The following PTK2 variants were observed in gnomAD, a reference collection of about 807,000 sequenced individuals.
The protein encoded by PTK2 is focal adhesion kinase 1.
A neutral mutation model predicts 150.1 loss-of-function variants in PTK2; 45 were observed. The observed-to-expected ratio is 0.30, with a 90% CI of 0.24 to 0.38. The LOEUF is 0.38. Among genes scored for constraint, PTK2 ranks in the 10% least tolerant of loss-of-function variants. The probability of loss-of-function intolerance (pLI) is 1.00; values close to 1 mark genes in which losing one functional copy is unlikely to be tolerated. For synonymous variants in PTK2, 432 were observed against 449.2 expected (o/e 0.96, Z 0.48); for missense variants, 919 against 1,307.3 (o/e 0.70, Z 4.58).
intron 24 of PTK2, among the ~76,000 whole-genome samples, chr8:140,705,353 G>C (rs1482590046): frequency 6.6e-6 from 1 of 152,020 alleles, no homozygotes; most frequent in Non-Finnish European, 1.5e-5. Flanking sequence ...CAGACATTAC[G>C]AGTAAAAAAA....
chr8:140,756,642 G>T (rs1371246786), intron 16 of PTK2, among the ~76,000 whole-genome samples: 4 of 142,562 alleles, frequency 2.8e-5, no homozygotes, highest in South Asian at 2.3e-4. Context: ...GGTGAACTGA[G>T]ATTGCACCAT....
chr8:140,936,375 C>T (rs13279233), intron 1 of PTK2, among the ~76,000 whole-genome samples: 63,400 of 151,830 alleles, frequency 0.42, 15,162 homozygotes, highest in Non-Finnish European at 0.55. Context: ...TGAGCGCTCA[C>T]GAAGTCTACA....
intron 14 of PTK2, among the ~76,000 whole-genome samples, chr8:140,785,349 G>A (rs1378521183): frequency 2.0e-5 from 3 of 152,206 alleles, no homozygotes; most frequent in Non-Finnish European, 4.4e-5. Context: ...ACAATAAAGA[G>A]ATAAACAGAA....
intron 1 of PTK2, among the ~76,000 whole-genome samples, chr8:140,963,591 A>G (rs1007774564): frequency 3.4e-4 from 52 of 152,190 alleles, no homozygotes; most frequent in African/African-American, 1.2e-3. Context: ...CTTCAATTCA[A>G]CTTCTTCACC....
intron 26 of PTK2, among the ~76,000 whole-genome samples, chr8:140,690,174 G>A (rs929848462): frequency 2.0e-5 from 3 of 151,874 alleles, no homozygotes; most frequent in East Asian, 3.9e-4. Context: ...GGATGGTCTC[G>A]ATCACCTGAC....
chr8:140,720,802 G>T (rs1419167678), intron 22 of PTK2, among the ~76,000 whole-genome samples: 1 of 152,148 alleles, frequency 6.6e-6, no homozygotes, highest in Non-Finnish European at 1.5e-5. Context: ...TGCATAGGCT[G>T]AAGTGCAGTG....
At chr8:140,679,036 T>G (rs2100015606) in intron 27 of PTK2, among the ~76,000 whole-genome samples, 1 of 82,160 alleles carries the variant, frequency 1.2e-5, no homozygotes, top group African/African-American at 4.0e-5. Context: ...TTTTTTTTTT[T>G]TTTTTTGAGA....
At chr8:140,994,534 G>A (rs979308109) in intron 1 of PTK2, among the ~76,000 whole-genome samples, 15 of 151,822 alleles carry the variant, frequency 9.9e-5, no homozygotes, top group Non-Finnish European at 1.6e-4. Context: ...ATTTTTAGAG[G>A]CAGGGTCTCA....
chr8:140,849,151 C>T (rs2100127532), intron 5 of PTK2, among the ~76,000 whole-genome samples: 1 of 152,142 alleles, frequency 6.6e-6, no homozygotes, highest in Non-Finnish European at 1.5e-5. Flanking sequence ...CATGATCACA[C>T]ACTGAAATCT....
At chr8:140,756,916 G>A (rs1318527918) in intron 16 of PTK2, among the ~76,000 whole-genome samples, 1 of 151,696 alleles carries the variant, frequency 6.6e-6, no homozygotes, top group East Asian at 1.9e-4. Context: ...GTGAACCCGG[G>A]AGGCGGAGCT....
At chr8:140,896,794 G>GA (rs1555343130) in intron 2 of PTK2, among the ~76,000 whole-genome samples, 1 of 125,668 alleles carries the variant, frequency 8.0e-6, no homozygotes, top group African/African-American at 2.5e-5. Flanking sequence ...AAAACGGGGG[G>GA]GGGGGGTGGG....
At chr8:140,751,538 C>T (rs908830350) in intron 17 of PTK2, among the ~76,000 whole-genome samples, 1 of 151,692 alleles carries the variant, frequency 6.6e-6, no homozygotes, top group Non-Finnish European at 1.5e-5. Context: ...ATTGCCCAGG[C>T]TGAAGTGCAG....
intron 22 of PTK2, among the ~76,000 whole-genome samples, chr8:140,733,833 A>C (rs1016043906): frequency 2.6e-5 from 4 of 152,140 alleles, no homozygotes; most frequent in Non-Finnish European, 5.9e-5. Context: ...TGTGAGAGTT[A>C]TGGGGACGGA....
chr8:140,903,076 T>C (rs1442973868), intron 2 of PTK2, among the ~76,000 whole-genome samples: 2 of 151,986 alleles, frequency 1.3e-5, no homozygotes, highest in African/African-American at 4.8e-5. Context: ...CTGAATGGTA[T>C]TGCCTAGGTT....
intron 3 of PTK2, among the ~76,000 whole-genome samples, chr8:140,880,340 T>C (rs1183732273): frequency 1.3e-5 from 2 of 152,184 alleles, no homozygotes; most frequent in African/African-American, 4.8e-5. Context: ...GATGGTGAAA[T>C]TTCTCCTGGA....
intron 2 of PTK2, among the ~76,000 whole-genome samples, chr8:140,901,728 CAT>C (rs1332467807): frequency 6.6e-6 from 1 of 150,506 alleles, no homozygotes; most frequent in East Asian, 2.0e-4. Context: ...TAGGTATACA[CAT>C]GCCATGGTGG....
At chr8:140,683,813 T>C (rs1232281322) in intron 27 of PTK2, among the ~76,000 whole-genome samples, 5 of 148,464 alleles carry the variant, frequency 3.4e-5, no homozygotes, top group Non-Finnish European at 5.9e-5. Context: ...CCTCACTTCA[T>C]GTTAAAAACC....
chr8:140,675,587 GAACTTC>G (rs1369480000), intron 27 of PTK2, 88 bp from the exon 31 acceptor site: 2 of 967,704 alleles, frequency 2.1e-6, no homozygotes, highest in Non-Finnish European at 3.3e-6. Flanking sequence ...CCACCCCCTT[GAACTTC>G]TAGGCTAGAT....
chr8:140,790,629 T>C lies in PTK2; in HGVS notation c.1125-1103A>G, dbSNP rs2100087869. The stretch of plus-strand genomic sequence containing the variant: ...AGATTAGAAATGCTCAACTTGTACA[T>C]CGTTTCGAAGCACTACAACTATTTA... On this transcript the variant is annotated intron_variant, in intron 13 of 31. Transcript: ENST00000522684. Among the ~76,000 whole-genome samples the C allele has an allele frequency of 2.0e-5, 3 of 152,204 alleles. No individual in the cohort carries two copies. In the South Asian group the frequency reaches 6.2e-4, roughly 32 times the overall value.
Sources: gnomAD v4.1 joint callset for allele counts (sites outside exome capture counted in the v4.1 genomes callset) on GRCh38, gnomAD v4.1.1 for gene constraint, MANE v1.5 for transcripts, NCBI Gene and HGNC (gene_info 2026-07-23, HGNC 2026-07-21) for gene names.